The following PSMG2 variants were observed in gnomAD, a reference collection of about 807,000 sequenced individuals.
PSMG2 encodes the protein CD40 ligand-activated specific transcript 3.
In PSMG2, 21 loss-of-function variants were observed where a neutral mutation model predicts 31.5. The observed-to-expected ratio is 0.67, with a 90% CI of 0.47 to 0.96. The LOEUF (loss-of-function observed/expected upper bound fraction) is 0.96, where lower values mean the gene tolerates loss of function less well. Among genes scored for constraint, PSMG2 ranks in the 40% least tolerant of loss-of-function variants. The pLI is 0.00. For synonymous variants in PSMG2, 120 were observed against 110.4 expected, an observed-to-expected ratio of 1.09 and a Z score of -0.54; for missense variants, 318 against 321.2, an observed-to-expected ratio of 0.99 and a Z score of 0.08.
At chr18:12,674,761 C>T in intron 1 of PSMG2, 2 of 1,570,544 alleles carry the variant, frequency 1.3e-6, no homozygotes, top group Non-Finnish European at 1.7e-6. Context: ...ATCCTATGAG[C>T]AATCAAGAGA....
chr18:12,670,443 T>G (rs1050331937), intron 1 of PSMG2: 4 of 152,134 alleles, frequency 2.6e-5, no homozygotes, highest in Admixed American at 2.6e-4. Flanking sequence ...ATAAAAAGCA[T>G]ATTTATTACA....
upstream of PSMG2, chr18:12,701,229 G>T: frequency 1.4e-6 from 1 of 696,892 alleles, no homozygotes; most frequent in Non-Finnish European, 2.4e-6. Context: ...ACAATTGAAT[G>T]GGAACAAAGG....
chr18:12,703,024 C>G, upstream of PSMG2: 22 of 1,495,478 alleles, frequency 1.5e-5, no homozygotes, highest in Non-Finnish European at 2.0e-5. Context: ...CCGCGAGGCT[C>G]CGGGGTCTCG....
chr18:12,704,590 A>G (rs925112351), intron 1 of PSMG2, among the ~76,000 whole-genome samples: 3 of 152,160 alleles, frequency 2.0e-5, no homozygotes, highest in African/African-American at 7.2e-5. Context: ...CCCTGTCTCA[A>G]AAAACTTTTT....
chr18:12,687,690 T>G (rs950653742), intron 1 of PSMG2, among the ~76,000 whole-genome samples: 2 of 151,760 alleles, frequency 1.3e-5, no homozygotes, highest in Non-Finnish European at 2.9e-5. Context: ...TGACCTCAAG[T>G]GATCCGCCCA....
chr18:12,712,748 C>T lies in PSMG2; in HGVS notation c.276C>T (p.Ser92=). ...SRKLVALQLR[S]IFIKYKSKPF... is the part of the protein sequence containing the mutation. ...AGCTGGTGGCTCTACAGTTAAGATC[C>T]ATTTTTATTAAGGTTAGTATGTTGT... Residue 92 remains serine, a synonymous_variant, in exon 3 of 7, where the codon TCC becomes TCT. Transcript: ENST00000317615. The T allele has an allele frequency of 6.2e-7, 1 of 1,604,844 alleles. No individual in the cohort carries two copies. The highest frequency in any genetic ancestry group is 8.5e-7 in the Non-Finnish European group (1 of 1,173,412).
Position 12,709,784 on chromosome 18 carries a change from G to T in PSMG2, c.230-2918G>T, listed in dbSNP as rs571760964. 3.9e-5 allele frequency among the ~76,000 whole-genome samples: 6 copies of T among 152,118 alleles called. No individual in the cohort carries two copies. In the East Asian group the frequency reaches 1.2e-3, roughly 29 times the overall value. On this transcript the variant is annotated intron_variant, in intron 2 of 6. Coordinates refer to ENST00000317615, the MANE Select transcript of PSMG2 (RefSeq NM_020232.5). ...CAGAGTGCTGGGATTACAGGCGTGA[G>T]CCACCACGCCTGGCCTAATTTTTGT...
upstream of PSMG2, among the ~76,000 whole-genome samples, chr18:12,701,755 C>A (rs913348935): frequency 6.6e-6 from 1 of 152,214 alleles, no homozygotes; most frequent in African/African-American, 2.4e-5. Context: ...TTAGTAACTT[C>A]TCTTCCATGA....
intron 3 of PSMG2, among the ~76,000 whole-genome samples, chr18:12,717,684 A>G (rs1446610748): frequency 6.6e-6 from 1 of 152,204 alleles, no homozygotes; most frequent in African/African-American, 2.4e-5. Context: ...GATGGTTCAC[A>G]GGTTGTATTT....
chr18:12,660,674 T>C (rs1598599081), intron 1 of PSMG2, among the ~76,000 whole-genome samples: 1 of 152,224 alleles, frequency 6.6e-6, no homozygotes, highest in South Asian at 2.1e-4. Context: ...CCTTGAGTGA[T>C]GATTTTTTTT....
chr18:12,695,130 G>T, intron 1 of PSMG2: 2 of 456,842 alleles, frequency 4.4e-6, no homozygotes, highest in Non-Finnish European at 4.0e-6. Flanking sequence ...GTGAACCTTT[G>T]AGTGCTAATC....
chr18:12,707,139 A>G (rs971799694), intron 2 of PSMG2, among the ~76,000 whole-genome samples: 1 of 152,040 alleles, frequency 6.6e-6, no homozygotes, highest in Admixed American at 6.6e-5. Flanking sequence ...GTATTTTTTT[A>G]GTAGAGACGG....
intron 5 of PSMG2, 76 bp downstream of exon 5, chr18:12,720,759 C>T: frequency 7.0e-7 from 1 of 1,423,464 alleles, no homozygotes; most frequent in Non-Finnish European, 9.5e-7. Context: ...GAGATCGTGC[C>T]ACTGCACTCT....
rs542995880 is a variant in PSMG2 at position 12,703,047 on chromosome 18, C to G, written c.-61C>G. ...CTCCGGGGTCTCGGGCTTCCGCCTT[C>G]TTGCTGCCCTCGTTCTTGCCAGGGC... On this transcript the variant is annotated 5_prime_UTR_variant, in exon 1 of 7. Coordinates refer to ENST00000317615, the MANE Select transcript of PSMG2 (RefSeq NM_020232.5). 7 of 1,574,900 alleles carry G rather than the reference C, an allele frequency of 4.4e-6. No individual in the cohort carries two copies. Among genetic ancestry groups the G allele is most frequent in the Non-Finnish European group, 6.0e-6 (7 of 1,157,536 alleles).
At chr18:12,702,494 G>A, upstream of PSMG2, 2 of 1,609,418 alleles carry the variant, frequency 1.2e-6, no homozygotes, top group Non-Finnish European at 1.7e-6. Context: ...ACCTTGCTCA[G>A]CTGCTGGTGG....
intron 1 of PSMG2, among the ~76,000 whole-genome samples, chr18:12,689,425 G>C (rs139353959): frequency 3.9e-4 from 59 of 152,210 alleles, no homozygotes; most frequent in African/African-American, 1.4e-3. Flanking sequence ...GTTGCTGTTT[G>C]GCCTTGAAAA....
At chr18:12,669,736 C>T (rs1383289851) in intron 1 of PSMG2, among the ~76,000 whole-genome samples, 1 of 152,088 alleles carries the variant, frequency 6.6e-6, no homozygotes, top group African/African-American at 2.4e-5. Flanking sequence ...CATGGTGGCT[C>T]ACGCCTGTAA....
intron 1 of PSMG2, among the ~76,000 whole-genome samples, chr18:12,689,776 A>G (rs1403749523): frequency 6.6e-6 from 1 of 151,782 alleles, no homozygotes; most frequent in East Asian, 1.9e-4. Context: ...ATATATATAT[A>G]TATGTATATT....
chr18:12,712,480 C>G (rs140510610), intron 2 of PSMG2, among the ~76,000 whole-genome samples: 10 of 152,288 alleles, frequency 6.6e-5, no homozygotes, highest in African/African-American at 2.4e-4. Flanking sequence ...TTACAGTTAA[C>G]TTTTCAGAAA....
Sources: allele counts gnomAD v4.1 joint callset (sites outside exome capture counted in the v4.1 genomes callset), GRCh38; gene constraint gnomAD v4.1.1; transcripts MANE v1.5; gene names NCBI Gene and HGNC (gene_info 2026-07-23, HGNC 2026-07-21).